The following TAFA2 variants were observed in gnomAD, a reference collection of about 807,000 sequenced individuals.
TAFA2 encodes the protein TAFA chemokine like family member 2.
In TAFA2, 7 loss-of-function variants were observed where a neutral mutation model predicts 18.8. That is an observed-to-expected ratio of 0.37 (90% CI 0.21 to 0.70). The LOEUF (loss-of-function observed/expected upper bound fraction) is 0.70, where lower values mean the gene tolerates loss of function less well. TAFA2 is among the 30% of genes least tolerant of loss of function. TAFA2 has a pLI of 0.53. For missense variants in TAFA2, 122 were observed against 158.1 expected, an observed-to-expected ratio of 0.77 and a Z score of 1.23; for synonymous variants, 60 against 54.2, an observed-to-expected ratio of 1.11 and a Z score of -0.47.
intron 1 of TAFA2, among the ~76,000 whole-genome samples, chr12:61,977,318 C>G (rs1565702800): frequency 6.6e-6 from 1 of 151,988 alleles, no homozygotes; most frequent in Non-Finnish European, 1.5e-5. Context: ...TTCCAAATTG[C>G]TAGTATTAAA....
At chr12:61,759,612 G>T (rs187951142) in intron 2 of TAFA2, among the ~76,000 whole-genome samples, 1 of 151,804 alleles carries the variant, frequency 6.6e-6, no homozygotes, top group African/African-American at 2.4e-5. Context: ...TTGTTACTGC[G>T]ACCAACTCAG....
intron 1 of TAFA2, among the ~76,000 whole-genome samples, chr12:62,063,908 T>C (rs1466956263): frequency 1.3e-5 from 2 of 149,874 alleles, no homozygotes; most frequent in African/African-American, 4.9e-5. Flanking sequence ...ACAAAATAGA[T>C]TGGATAATCC....
At chr12:61,796,998 C>T (rs760501899) in intron 2 of TAFA2, among the ~76,000 whole-genome samples, 1 of 152,136 alleles carries the variant, frequency 6.6e-6, no homozygotes, top group African/African-American at 2.4e-5. Context: ...ACAAAACTCT[C>T]TCAATCAGTC....
At chr12:61,749,800 C>T (rs1210796191) in intron 4 of TAFA2, among the ~76,000 whole-genome samples, 1 of 152,002 alleles carries the variant, frequency 6.6e-6, no homozygotes, top group African/African-American at 2.4e-5. Flanking sequence ...AATGTAAAGT[C>T]TTATATAATA....
At chr12:61,832,887 C>T (rs1872770586) in intron 2 of TAFA2, among the ~76,000 whole-genome samples, 2 of 151,720 alleles carry the variant, frequency 1.3e-5, no homozygotes, top group South Asian at 4.2e-4. Flanking sequence ...TCTCTCTTGA[C>T]CAGCTCATCC....
intron 1 of TAFA2, among the ~76,000 whole-genome samples, chr12:61,939,856 T>A (rs1877924236): frequency 6.6e-6 from 1 of 152,226 alleles, no homozygotes; most frequent in Admixed American, 6.5e-5. Flanking sequence ...ATCTCTAATC[T>A]TGGAGCAGTT....
At chr12:61,850,175 G>T (rs1036325802) in intron 2 of TAFA2, among the ~76,000 whole-genome samples, 1 of 151,774 alleles carries the variant, frequency 6.6e-6, no homozygotes. Flanking sequence ...AATTTTAAGG[G>T]AGAGGGATCA....
chr12:61,985,912 G>T (rs1204414966), intron 1 of TAFA2, among the ~76,000 whole-genome samples: 1 of 151,980 alleles, frequency 6.6e-6, no homozygotes, highest in African/African-American at 2.4e-5. Context: ...TTTTTTAATG[G>T]GGCAGGCATT....
At chr12:61,802,212 A>C (rs1871425411) in intron 2 of TAFA2, among the ~76,000 whole-genome samples, 1 of 152,026 alleles carries the variant, frequency 6.6e-6, no homozygotes, top group South Asian at 2.1e-4. Context: ...TTCCCCAAAA[A>C]ACTGAAAATA....
chr12:61,863,239 A>G lies in TAFA2; in HGVS notation c.106+4081T>C, dbSNP rs76662337. Among the ~76,000 whole-genome samples the G allele has an allele frequency of 9.8e-4, 150 of 152,294 alleles. 1 individual carries two copies. Among genetic ancestry groups the G allele is most frequent in the Non-Finnish European group, 1.8e-3 (124 of 68,018 alleles). On this transcript the variant is annotated intron_variant, in intron 2 of 4. Transcript: ENST00000416284. Reference sequence around the variant, plus strand: ...CAGAGAGAGAGAGAAAAGGAGTTCAATGTTGATGGGGTAAATGTAAAGGTC... The same window carrying G: ...CAGAGAGAGAGAGAAAAGGAGTTCAGTGTTGATGGGGTAAATGTAAAGGTC...
intron 1 of TAFA2, among the ~76,000 whole-genome samples, chr12:62,141,402 C>G (rs2062238180): frequency 6.6e-6 from 1 of 152,170 alleles, no homozygotes; most frequent in Non-Finnish European, 1.5e-5. Flanking sequence ...CAGTTCCTAG[C>G]ACCGTTGGTC....
chr12:62,108,825 G>A (rs1284507616), intron 1 of TAFA2, among the ~76,000 whole-genome samples: 2 of 152,074 alleles, frequency 1.3e-5, no homozygotes, highest in African/African-American at 2.4e-5. Flanking sequence ...CCCACTTTTT[G>A]AAGGAGTTGT....
At chr12:62,014,120 A>G (rs919033786) in intron 1 of TAFA2, among the ~76,000 whole-genome samples, 17 of 152,184 alleles carry the variant, frequency 1.1e-4, no homozygotes, top group Admixed American at 3.3e-4. Flanking sequence ...ACACACATCA[A>G]AACATTCTAC....
At chr12:61,804,998 G>A (rs2120984220) in intron 2 of TAFA2, among the ~76,000 whole-genome samples, 1 of 151,906 alleles carries the variant, frequency 6.6e-6, no homozygotes, top group South Asian at 2.1e-4. Context: ...AGCAAGCTTT[G>A]CTATACTTAT....
chr12:61,802,612 G>A (rs1871444734), intron 2 of TAFA2, among the ~76,000 whole-genome samples: 1 of 151,900 alleles, frequency 6.6e-6, no homozygotes, highest in Non-Finnish European at 1.5e-5. Context: ...GAAGGGTAGA[G>A]GGGAGGTGAT....
At position 62,218,744 on chromosome 12, in the gene TAFA2, T is replaced by C. The variant is rs1436657065; in HGVS notation, c.-130+40019A>G. Among the ~76,000 whole-genome samples, 5 of 151,302 alleles carry C rather than the reference T, an allele frequency of 3.3e-5. No homozygotes were observed. In the East Asian group the frequency reaches 5.8e-4, roughly 18 times the overall value. ...TACATAGCCATTTATTTTCTTTCTC[T>C]TTTTTTTTGTTGCTTTCTCATTGCA... On this transcript the variant is annotated intron_variant, in intron 1 of 5. Transcript: ENST00000551619.
At chr12:62,186,350 A>G (rs2062585796) in intron 1 of TAFA2, among the ~76,000 whole-genome samples, 1 of 152,144 alleles carries the variant, frequency 6.6e-6, no homozygotes, top group South Asian at 2.1e-4. Flanking sequence ...TAGTAAAACA[A>G]ACCTTGCATT....
chr12:61,881,408 A>G (rs1875133877), intron 1 of TAFA2, among the ~76,000 whole-genome samples: 1 of 152,210 alleles, frequency 6.6e-6, no homozygotes, highest in South Asian at 2.1e-4. Flanking sequence ...CAACTGTAAC[A>G]CAATGGTACT....
rs10643306 is a variant in TAFA2, at chr12:62,189,940, T to TTGTGTGTGTGTGTG, written c.-2+1305_-2+1318dup. On this transcript the variant is annotated intron_variant, in intron 1 of 4. Transcript: ENST00000416284. The stretch of plus-strand genomic sequence containing the variant: ...AGTAAAGGTTGCTTATGAGTTTGCT[T>TTGTGTGTGTGTGTG]TGTGTGTGTGTGTGTGTGTGTGTGT... Among the ~76,000 whole-genome samples the TTGTGTGTGTGTGTG allele has an allele frequency of 4.0e-3, 572 of 142,004 alleles. 9 individuals carry two copies. Among genetic ancestry groups the TTGTGTGTGTGTGTG allele is most frequent in the African/African-American group, 9.5e-3 (359 of 37,712 alleles). 93.2% of individuals were successfully genotyped at this position (142,004 alleles called of 152,430 possible). A position where few individuals can be genotyped will look rare whatever the true frequency, so the allele number is the denominator to read the frequency against.
Sources: allele counts gnomAD v4.1 joint callset (sites outside exome capture counted in the v4.1 genomes callset), GRCh38; gene constraint gnomAD v4.1.1; transcripts MANE v1.5; gene names NCBI Gene and HGNC (gene_info 2026-07-23, HGNC 2026-07-21).